Variants in TRIP12 observed in about 807,000 individuals in gnomAD.
TRIP12 encodes the protein thyroid hormone receptor interactor 12.
A neutral mutation model predicts 244.2 loss-of-function variants in TRIP12; 25 were observed. The ratio of observed to expected loss-of-function variants is 0.10; its 90% confidence interval spans 0.07 to 0.14. The LOEUF is 0.14. Ranked by LOEUF, TRIP12 falls within the 10% of genes least tolerant of loss-of-function variation. The pLI is 1.00. For synonymous variants in TRIP12, 905 were observed against 873.1 expected (o/e 1.04, Z -0.64); for missense variants, 1,677 against 2,486.4 (o/e 0.67, Z 6.92).
At chr2:229,864,001 TGAAAGAGAGA>T (rs756879819) in intron 2 of TRIP12, among the ~76,000 whole-genome samples, 8,441 of 112,942 alleles carry the variant, frequency 0.075, 330 homozygotes, top group East Asian at 0.17. Flanking sequence ...AAGATTTGGG[TGAAAGAGAGA>T]GAGAGAGAGA....
At chr2:229,821,976 C>T (rs913347921) in intron 8 of TRIP12, among the ~76,000 whole-genome samples, 5 of 152,244 alleles carry the variant, frequency 3.3e-5, no homozygotes, top group Middle Eastern at 3.4e-3. Context: ...GCTGTTTCTA[C>T]TAAAAATACA....
intron 4 of TRIP12, among the ~76,000 whole-genome samples, chr2:229,853,011 C>T (rs1185194257): frequency 6.6e-6 from 1 of 152,158 alleles, no homozygotes; most frequent in East Asian, 1.9e-4. Context: ...TTGAATAATA[C>T]TTGAACATGG....
intron 17 of TRIP12, among the ~76,000 whole-genome samples, chr2:229,807,069 C>T (rs1404146903): frequency 6.6e-6 from 1 of 152,166 alleles, no homozygotes; most frequent in Non-Finnish European, 1.5e-5. Context: ...ATAAAAATCA[C>T]ATAAAACTGT....
intron 41 of TRIP12, 52 bp downstream of exon 41, chr2:229,768,564 C>T: frequency 1.3e-6 from 2 of 1,568,972 alleles, no homozygotes; most frequent in Non-Finnish European, 1.7e-6. Context: ...GTTTCACACT[C>T]ACAAACCCAC....
chr2:229,800,920 A>G (rs1280606035), intron 21 of TRIP12, among the ~76,000 whole-genome samples: 2 of 152,250 alleles, frequency 1.3e-5, no homozygotes, highest in Non-Finnish European at 2.9e-5. Flanking sequence ...GAAAAAAAGA[A>G]AAAGAAAAAA....
In TRIP12 at chr2:229,836,980, G is replaced by T; in HGVS notation, c.1138C>A (p.Arg380=). ...TTGSCASTSR[R]GSGLGKRGAA... The stretch of plus-strand genomic sequence containing the variant: ...CCTCTTTTGCCCAGGCCAGAGCCTC[G>T]CCGACTACAACAGAAAAATGTCATC... The change falls in exon 6 of 42, where the codon CGA becomes AGA. Residue 380 remains arginine, a synonymous_variant. Transcript: ENST00000675903. 6.5e-7 allele frequency: 1 copy of T among 1,549,182 alleles called. No homozygotes were observed. The highest frequency in any genetic ancestry group is 8.7e-7 in the Non-Finnish European group (1 of 1,153,330).
In TRIP12 at chr2:229,830,746, C is replaced by A. The variant is rs2053138371; in HGVS notation, c.1354+10G>T. The A allele has an allele frequency of 2.5e-6, 4 of 1,612,504 alleles. No homozygotes were observed. The highest frequency in any genetic ancestry group is 3.4e-6 in the Non-Finnish European group (4 of 1,178,774). On this transcript the variant is annotated intron_variant, in intron 7 of 41. Coordinates refer to ENST00000675903, the MANE Select transcript of TRIP12 (RefSeq NM_001348323.3). ...TAATGGTTTCTTATAGGCTCAATAA[C>A]TGTTTTTACCTTGCAAACGTCCCAT...
At chr2:229,894,799 G>A in intron 1 of TRIP12, among the ~76,000 whole-genome samples, 1 of 152,112 alleles carries the variant, frequency 6.6e-6, no homozygotes, top group East Asian at 1.9e-4. Flanking sequence ...TATGGATCTT[G>A]TTAAAATTCA....
chr2:229,863,238 A>AACAAG (rs2060766415), intron 2 of TRIP12, among the ~76,000 whole-genome samples: 2 of 151,902 alleles, frequency 1.3e-5, no homozygotes, highest in Admixed American at 1.3e-4. Flanking sequence ...CGAAAAAAAA[A>AACAAG]AAAGAAAGAA....
chr2:229,894,983 C>A (rs13014061), intron 1 of TRIP12, among the ~76,000 whole-genome samples: 38,363 of 152,080 alleles, frequency 0.25, 5,943 homozygotes, highest in Middle Eastern at 0.43. Context: ...AAATGCTACA[C>A]ATAATCTAAG....
intron 8 of TRIP12, among the ~76,000 whole-genome samples, chr2:229,820,130 T>C (rs1191381863): frequency 6.6e-6 from 1 of 152,014 alleles, no homozygotes; most frequent in Non-Finnish European, 1.5e-5. Context: ...AACAAATGAA[T>C]CCTCCACTGA....
At position 229,793,062 on chromosome 2, in the gene TRIP12, C is replaced by G. The variant is rs2041937755; in HGVS notation, c.4052G>C (p.Cys1351Ser). ...LKCQLQRHPD[C>S]ANVKQWKGGP... The stretch of plus-strand genomic sequence containing the variant: ...ACCCTTCCACTGCTTCACATTTGCA[C>G]AGTCTGGATGCCTTTGTAACTGGCA... Residue 1351 changes from cysteine (C) to serine (S), a missense_variant, in exon 27 of 42, where the codon TGT (cysteine) becomes TCT (serine). Transcript: ENST00000675903. The G allele has an allele frequency of 1.2e-6, 2 of 1,613,984 alleles. No individual in the cohort carries two copies. Among genetic ancestry groups the G allele is most frequent in the Non-Finnish European group, 1.7e-6 (2 of 1,179,934 alleles).
At chr2:229,781,470 A>G (rs1461975209) in intron 34 of TRIP12, among the ~76,000 whole-genome samples, 2 of 152,202 alleles carry the variant, frequency 1.3e-5, no homozygotes, top group African/African-American at 4.8e-5. Flanking sequence ...AAGGGCTGAG[A>G]GGACACTGAT....
chr2:229,796,887 A>G lies in TRIP12; in HGVS notation c.3625-105T>C, dbSNP rs74001429. ...AAATGAATATATTCTCAACGCCCTTAAAAAAGAGGGCAGGGGAGTGGTACA... is the reference window on the plus strand; with the variant it reads ...AAATGAATATATTCTCAACGCCCTTGAAAAAGAGGGCAGGGGAGTGGTACA... On this transcript the variant is annotated intron_variant, in intron 24 of 41. Coordinates refer to ENST00000675903, the MANE Select transcript of TRIP12 (RefSeq NM_001348323.3). 11,996 of 1,025,150 alleles carry G rather than the reference A, an allele frequency of 0.012. 962 individuals carry two copies. The African/African-American group carries it at 0.17, about 15-fold the overall frequency. 63.5% of individuals were successfully genotyped at this position (1,025,150 alleles called of 1,614,324 possible). A position where few individuals can be genotyped will look rare whatever the true frequency, so the allele number is the denominator to read the frequency against.
At chr2:229,791,441 C>T (rs1030194216) in intron 29 of TRIP12, among the ~76,000 whole-genome samples, 190 bp from the exon 30 acceptor site, 3 of 152,232 alleles carry the variant, frequency 2.0e-5, no homozygotes, top group Non-Finnish European at 4.4e-5. Flanking sequence ...GAGGGGCTGC[C>T]TCAGAAACTC....
intron 2 of TRIP12, among the ~76,000 whole-genome samples, chr2:229,867,725 G>T (rs190841127): frequency 9.9e-5 from 15 of 152,262 alleles, no homozygotes; most frequent in Admixed American, 2.6e-4. Flanking sequence ...TCAGAAGAAT[G>T]AAAGCAAATC....
intron 17 of TRIP12, among the ~76,000 whole-genome samples, chr2:229,806,340 A>G (rs1246718149): frequency 1.3e-5 from 2 of 150,978 alleles, no homozygotes; most frequent in Non-Finnish European, 2.9e-5. Context: ...AATTGTCCTC[A>G]TTAAACAAAG....
intron 6 of TRIP12, among the ~76,000 whole-genome samples, chr2:229,835,225 T>A (rs1011827076): frequency 2.0e-5 from 3 of 152,222 alleles, no homozygotes; most frequent in South Asian, 2.1e-4. Flanking sequence ...ACATGCCACA[T>A]GTATTTTTTA....
intron 1 of TRIP12, among the ~76,000 whole-genome samples, chr2:229,904,996 C>T (rs558918764): frequency 1.1e-4 from 17 of 152,220 alleles, no homozygotes; most frequent in African/African-American, 9.6e-5. Flanking sequence ...GTGTTTAGGC[C>T]GGGTGCGCTG....
Sources: gnomAD v4.1 joint callset for allele counts (sites outside exome capture counted in the v4.1 genomes callset) on GRCh38, gnomAD v4.1.1 for gene constraint, MANE v1.5 for transcripts, NCBI Gene and HGNC (gene_info 2026-07-23, HGNC 2026-07-21) for gene names.